SV2C: variants seen among roughly 807,000 people sequenced by gnomAD.
SV2C encodes the protein solute carrier family 22 member B3.
SV2C carries 49 observed loss-of-function variants against 79.7 expected under a neutral mutation model. The ratio of observed to expected loss-of-function variants is 0.61; its 90% CI spans 0.49 to 0.78. The LOEUF (loss-of-function observed/expected upper bound fraction) is 0.78, where lower values mean the gene tolerates loss of function less well. Ranked by LOEUF, SV2C falls within the 30% of genes least tolerant of loss-of-function variation. SV2C has a pLI of 0.00. For missense variants in SV2C, 833 were observed against 912.9 expected, an observed-to-expected ratio of 0.91 and a Z score of 1.13; for synonymous variants, 334 against 333.2, an observed-to-expected ratio of 1.00 and a Z score of -0.03.
At chr5:76,176,488 C>CA (rs1371689028) in intron 2 of SV2C, among the ~76,000 whole-genome samples, 1 of 152,120 alleles carries the variant, frequency 6.6e-6, no homozygotes. Flanking sequence ...GCATCATGAT[C>CA]AATTCTCCAA....
the SV2C span, among the ~76,000 whole-genome samples, chr5:76,016,778 T>C: frequency 6.6e-6 from 1 of 152,208 alleles, no homozygotes; most frequent in Non-Finnish European, 1.5e-5. Context: ...GTTCTCTTTG[T>C]GTAAAAGAAC....
rs551399240 is a variant in SV2C at position 76,279,786 on chromosome 5, C to T, written c.914-5376C>T. On this transcript the variant is annotated intron_variant, in intron 4 of 12. Transcript: ENST00000502798. ...GGAGGAAGGGCTCTTTCTCAGGTGTCAGATAGAGATATGCTGATAGAATGA... is the reference window on the plus strand; with the variant it reads ...GGAGGAAGGGCTCTTTCTCAGGTGTTAGATAGAGATATGCTGATAGAATGA... 2.0e-5 allele frequency among the ~76,000 whole-genome samples: 3 copies of T among 152,162 alleles called. No individual in the cohort carries two copies. The South Asian group carries it at 6.2e-4, about 32-fold the overall frequency.
At chr5:76,290,535 A>G (rs1312827055) in intron 6 of SV2C, among the ~76,000 whole-genome samples, 2 of 152,144 alleles carry the variant, frequency 1.3e-5, no homozygotes, top group Non-Finnish European at 2.9e-5. Context: ...TGCTTCTCCT[A>G]TCTTGTGGTT....
chr5:76,305,547 C>T (rs1225276683), intron 12 of SV2C, among the ~76,000 whole-genome samples: 1 of 152,176 alleles, frequency 6.6e-6, no homozygotes, highest in Non-Finnish European at 1.5e-5. Context: ...AGTCCAGATA[C>T]TTGTTTCACT....
chr5:76,118,286 T>C (rs1748347056), intron 1 of SV2C, among the ~76,000 whole-genome samples: 1 of 152,196 alleles, frequency 6.6e-6, no homozygotes, highest in Non-Finnish European at 1.5e-5. Context: ...TTCTCTCTTC[T>C]GTCTGTTATA....
chr5:76,122,855 G>C (rs1411953772), intron 1 of SV2C, among the ~76,000 whole-genome samples: 1 of 151,774 alleles, frequency 6.6e-6, no homozygotes, highest in African/African-American at 2.4e-5. Flanking sequence ...CTAGCAGAAG[G>C]CAAGAAATAA....
At chr5:76,339,713 CAAAAAAA>C (rs536302675) in intron 12 of SV2C, among the ~76,000 whole-genome samples, 1 of 77,850 alleles carries the variant, frequency 1.3e-5, no homozygotes, top group Non-Finnish European at 3.0e-5. Flanking sequence ...GACTCTGTCT[CAAAAAAA>C]AAAAAAAAGA....
chr5:75,978,996 A>T, the SV2C span, among the ~76,000 whole-genome samples: 4 of 152,184 alleles, frequency 2.6e-5, no homozygotes, highest in East Asian at 7.7e-4. Flanking sequence ...AAAAAAATAA[A>T]AATGCAATGA....
intron 1 of SV2C, among the ~76,000 whole-genome samples, chr5:76,096,377 C>A (rs1008985140): frequency 2.6e-5 from 4 of 152,084 alleles, no homozygotes; most frequent in Non-Finnish European, 4.4e-5. Context: ...ACATTGATTG[C>A]CACATCATGC....
the SV2C span, among the ~76,000 whole-genome samples, chr5:75,966,734 A>ACACTT: frequency 6.6e-6 from 1 of 152,188 alleles, no homozygotes; most frequent in Non-Finnish European, 1.5e-5. Flanking sequence ...CTGTACTCTG[A>ACACTT]CACTTCAATA....
At chr5:75,926,972 C>T in the SV2C span, among the ~76,000 whole-genome samples, 1 of 152,138 alleles carries the variant, frequency 6.6e-6, no homozygotes. Flanking sequence ...GGCTCTTGAG[C>T]CTCTTTACTA....
intron 2 of SV2C, among the ~76,000 whole-genome samples, chr5:76,181,441 G>A (rs1561252724): frequency 6.6e-6 from 1 of 152,200 alleles, no homozygotes; most frequent in African/African-American, 2.4e-5. Context: ...CTGCTATAAA[G>A]ACCTACCCGA....
chr5:75,847,982 G>T, the SV2C span, among the ~76,000 whole-genome samples: 4 of 152,178 alleles, frequency 2.6e-5, no homozygotes, highest in African/African-American at 9.7e-5. Context: ...TTAGCAAAAT[G>T]GGAGATGGTA....
At chr5:75,856,418 G>A in the SV2C span, among the ~76,000 whole-genome samples, 11 of 152,242 alleles carry the variant, frequency 7.2e-5, no homozygotes, top group East Asian at 2.1e-3. Context: ...AGTGTGCAAG[G>A]ATTTCCTGTT....
the SV2C span, among the ~76,000 whole-genome samples, chr5:75,947,623 T>G: frequency 1.1e-4 from 16 of 151,990 alleles, no homozygotes; most frequent in African/African-American, 3.6e-4. Context: ...GTATCCTAAT[T>G]TCACCAGTGG....
chr5:75,881,498 G>A, the SV2C span, among the ~76,000 whole-genome samples: 1 of 152,056 alleles, frequency 6.6e-6, no homozygotes, highest in African/African-American at 2.4e-5. Flanking sequence ...AGTTCTCCTT[G>A]AAGAGGTCCT....
chr5:76,096,115 T>G (rs1747549653), intron 1 of SV2C, among the ~76,000 whole-genome samples: 1 of 152,116 alleles, frequency 6.6e-6, no homozygotes, highest in Admixed American at 6.5e-5. Context: ...AAATACACAT[T>G]GGTATGATTT....
intron 4 of SV2C, among the ~76,000 whole-genome samples, chr5:76,230,124 A>G (rs1411624696): frequency 6.6e-6 from 1 of 152,234 alleles, no homozygotes; most frequent in Non-Finnish European, 1.5e-5. Flanking sequence ...TTGATACATC[A>G]TAAAAGCAGC....
the SV2C span, among the ~76,000 whole-genome samples, chr5:76,019,820 C>T: frequency 0.2 from 30,865 of 151,988 alleles, 3,540 homozygotes; most frequent in East Asian, 0.46. Flanking sequence ...CAGTATAATA[C>T]GAATGAAAGG....
Sources: gnomAD v4.1 joint callset for allele counts (sites outside exome capture counted in the v4.1 genomes callset) on GRCh38, gnomAD v4.1.1 for gene constraint, MANE v1.5 for transcripts, NCBI Gene and HGNC (gene_info 2026-07-23, HGNC 2026-07-21) for gene names.